Variants in TRPM3 observed in about 807,000 individuals in gnomAD.
The protein encoded by TRPM3 is long transient receptor potential channel 3.
A neutral mutation model predicts 181.2 loss-of-function variants in TRPM3; 77 were observed. The ratio of observed to expected loss-of-function variants is 0.42; its 90% CI spans 0.35 to 0.51. The LOEUF (loss-of-function observed/expected upper bound fraction) is 0.51. Ranked by LOEUF, TRPM3 falls within the 20% of genes least tolerant of loss-of-function variation. The pLI is 0.01. For synonymous variants in TRPM3, 745 were observed against 796.4 expected, an observed-to-expected ratio of 0.94 and a Z score of 1.09; for missense variants, 1,759 against 2,196.7, an observed-to-expected ratio of 0.80 and a Z score of 3.98.
At chr9:71,376,394 A>T (rs954311683) in intron 1 of TRPM3, among the ~76,000 whole-genome samples, 6 of 152,078 alleles carry the variant, frequency 3.9e-5, no homozygotes, top group African/African-American at 1.4e-4. Context: ...TAAGGTTATA[A>T]ATATGTATCA....
At chr9:70,823,267 G>C (rs2093328433) in intron 6 of TRPM3, among the ~76,000 whole-genome samples, 1 of 152,158 alleles carries the variant, frequency 6.6e-6, no homozygotes, top group South Asian at 2.1e-4. Context: ...GCATTTCCTT[G>C]TTTTTAATCT....
chr9:70,559,775 A>G (rs140574331), intron 22 of TRPM3, among the ~76,000 whole-genome samples: 191 of 152,270 alleles, frequency 1.3e-3, no homozygotes, highest in Middle Eastern at 3.4e-3. Context: ...TCAAGCCCAC[A>G]TGGCCTGGCC....
intron 1 of TRPM3, among the ~76,000 whole-genome samples, chr9:71,420,740 AG>A: frequency 1.1e-5 from 1 of 93,810 alleles, no homozygotes; most frequent in Non-Finnish European, 2.2e-5. Flanking sequence ...AGAGAGAAAG[AG>A]AGAGAAAGAG....
At chr9:71,009,604 A>G (rs1340938822) in intron 1 of TRPM3, among the ~76,000 whole-genome samples, 1 of 152,232 alleles carries the variant, frequency 6.6e-6, no homozygotes, top group Admixed American at 6.5e-5. Context: ...AAATGGAAAT[A>G]TACCCCATGT....
chr9:70,959,645 C>G (rs1590089168), intron 1 of TRPM3, among the ~76,000 whole-genome samples: 1 of 152,034 alleles, frequency 6.6e-6, no homozygotes, highest in East Asian at 1.9e-4. Context: ...TTTATGTTTT[C>G]CTTCTGAGAC....
intron 6 of TRPM3, chr9:70,811,337 A>G (rs931722615): frequency 1.8e-6 from 2 of 1,088,836 alleles, no homozygotes; most frequent in African/African-American, 1.6e-5. Context: ...ACATAAATTT[A>G]TATACGTGAT....
chr9:71,338,690 G>C (rs2090746218), intron 1 of TRPM3, among the ~76,000 whole-genome samples: 1 of 151,990 alleles, frequency 6.6e-6, no homozygotes, highest in Admixed American at 6.6e-5. Flanking sequence ...AAAAGCCTTT[G>C]ACAAGATTTA....
chr9:71,286,727 G>A (rs897338749), intron 1 of TRPM3, among the ~76,000 whole-genome samples: 1 of 151,688 alleles, frequency 6.6e-6, no homozygotes, highest in South Asian at 2.1e-4. Context: ...CCTAGCCATT[G>A]TCAGCTTCTC....
At chr9:71,156,331 C>G (rs543375379) in intron 1 of TRPM3, among the ~76,000 whole-genome samples, 1 of 150,540 alleles carries the variant, frequency 6.6e-6, no homozygotes, top group Non-Finnish European at 1.5e-5. Context: ...TAGGATACCA[C>G]GAGCACCTAT....
chr9:70,531,545 T>C lies in TRPM3; in HGVS notation c.*4408A>G, dbSNP rs908768933. 1 of 152,230 alleles carries C rather than the reference T, an allele frequency of 6.6e-6. No individual in the cohort carries two copies. The highest frequency in any genetic ancestry group is 1.5e-5 in the Non-Finnish European group (1 of 68,044). The allele number at this position is 152,230 out of a possible 1,614,324, so 9.4% of individuals were successfully genotyped here. On this transcript the variant is annotated 3_prime_UTR_variant, in exon 26 of 26. Coordinates refer to ENST00000677713, the MANE Select transcript of TRPM3 (RefSeq NM_001366145.2). ...TTACTTCATTTCAGTCACATTGTTATTGTTCAAGGATAGTGAGTTATAATG... is the reference window on the plus strand; with the variant it reads ...TTACTTCATTTCAGTCACATTGTTACTGTTCAAGGATAGTGAGTTATAATG...
intron 21 of TRPM3, among the ~76,000 whole-genome samples, chr9:70,595,062 T>A (rs1454318284): frequency 6.6e-6 from 1 of 152,146 alleles, no homozygotes; most frequent in East Asian, 1.9e-4. Context: ...GTAGAGAAAA[T>A]GCAGTACATT....
chr9:70,820,154 CT>C (rs2093043757), intron 6 of TRPM3, among the ~76,000 whole-genome samples: 1 of 152,176 alleles, frequency 6.6e-6, no homozygotes. Flanking sequence ...CTATTATTCT[CT>C]GTTTACTGAG....
At chr9:70,786,207 G>A (rs1291513697) in intron 6 of TRPM3, among the ~76,000 whole-genome samples, 1 of 150,170 alleles carries the variant, frequency 6.7e-6, no homozygotes, top group Admixed American at 6.7e-5. Flanking sequence ...GCTCATGCCT[G>A]TAATCCCAGC....
chr9:70,811,098 G>A, intron 6 of TRPM3: 1 of 1,219,630 alleles, frequency 8.2e-7, no homozygotes. Context: ...AATTATAAAG[G>A]AAATGAAGAC....
At chr9:71,326,026 T>C (rs543831177) in intron 1 of TRPM3, among the ~76,000 whole-genome samples, 2 of 152,214 alleles carry the variant, frequency 1.3e-5, no homozygotes, top group African/African-American at 2.4e-5. Flanking sequence ...GATATGAACA[T>C]TGCAATGTAT....
At chr9:71,095,773 A>AG (rs994638236) in intron 1 of TRPM3, among the ~76,000 whole-genome samples, 2 of 151,168 alleles carry the variant, frequency 1.3e-5, no homozygotes, top group Non-Finnish European at 3.0e-5. Context: ...AAAAAAAAAA[A>AG]AAAAAGAAAG....
intron 1 of TRPM3, among the ~76,000 whole-genome samples, chr9:70,974,547 C>G (rs1467193696): frequency 1.3e-5 from 2 of 150,842 alleles, no homozygotes; most frequent in Non-Finnish European, 3.0e-5. Context: ...TCAAAACAAA[C>G]AAACAAACAA....
At chr9:70,796,809 G>T (rs541598181) in intron 6 of TRPM3, among the ~76,000 whole-genome samples, 3,402 of 152,254 alleles carry the variant, frequency 0.022, 53 homozygotes, top group Non-Finnish European at 0.034. Context: ...ACATGTCGTA[G>T]TTGCTCTCTG....
At chr9:71,361,901 T>C (rs544378825) in intron 1 of TRPM3, among the ~76,000 whole-genome samples, 2 of 152,132 alleles carry the variant, frequency 1.3e-5, no homozygotes, top group Non-Finnish European at 2.9e-5. Context: ...CTTTTTTTTT[T>C]AAACCTGCAA....
Sources: gnomAD v4.1 joint callset for allele counts (sites outside exome capture counted in the v4.1 genomes callset) on GRCh38, gnomAD v4.1.1 for gene constraint, MANE v1.5 for transcripts, NCBI Gene and HGNC (gene_info 2026-07-23, HGNC 2026-07-21) for gene names.